Variants in SLC23A2 observed in about 807,000 individuals in gnomAD.
SLC23A2 encodes solute carrier family 23 member 2.
A neutral mutation model predicts 73.3 loss-of-function variants in SLC23A2; 36 were observed. The observed-to-expected ratio is 0.49, with a 90% CI of 0.38 to 0.65. The LOEUF (loss-of-function observed/expected upper bound fraction) is 0.65. SLC23A2 is among the 30% of genes least tolerant of loss of function. The probability of loss-of-function intolerance (pLI) is 0.00; values close to 1 mark genes in which losing one functional copy is unlikely to be tolerated. For synonymous variants in SLC23A2, 343 were observed against 327.3 expected (o/e 1.05, Z -0.52); for missense variants, 507 against 841.6 (o/e 0.60, Z 4.92).
At chr20:4,905,921 G>A (rs1931934069) in intron 4 of SLC23A2, among the ~76,000 whole-genome samples, 1 of 152,190 alleles carries the variant, frequency 6.6e-6, no homozygotes. Context: ...GCCAACCCCC[G>A]CTGTAGCGTT....
In SLC23A2 at chr20:4,856,935, T is replaced by A. The variant is rs1268265029; in HGVS notation, c.*37A>T. 3.1e-6 allele frequency: 4 copies of A among 1,310,968 alleles called. No homozygotes were observed. The highest frequency in any genetic ancestry group is 4.4e-6 in the Non-Finnish European group (4 of 910,618). 81.2% of individuals were successfully genotyped at this position (1,310,968 alleles called of 1,614,324 possible). Reference sequence around the variant, plus strand: ...TACTCAGCAAGGAACTACAGATACATGCCTCACTGCGGCCAGGCCACAGGG... The same window carrying A: ...TACTCAGCAAGGAACTACAGATACAAGCCTCACTGCGGCCAGGCCACAGGG... On this transcript the variant is annotated 3_prime_UTR_variant, in exon 17 of 17. Coordinates refer to ENST00000338244, the MANE Select transcript of SLC23A2 (RefSeq NM_005116.6). The surrounding 1 kb of genome is among the most constrained non-coding windows in gnomAD (Gnocchi z 4.6).
At chr20:4,909,726 T>C (rs1424856528) in intron 4 of SLC23A2, among the ~76,000 whole-genome samples, 1 of 152,088 alleles carries the variant, frequency 6.6e-6, no homozygotes, top group Non-Finnish European at 1.5e-5. Flanking sequence ...GCTAAATTTT[T>C]TTGTATTTTT....
chr20:4,988,959 G>A (rs1314896372), intron 1 of SLC23A2, among the ~76,000 whole-genome samples: 4 of 151,826 alleles, frequency 2.6e-5, no homozygotes, highest in Admixed American at 1.3e-4. Flanking sequence ...TAACTAGGCC[G>A]GGCGCGGTGG....
Position 4,883,871 on chromosome 20 carries a change from G to T in SLC23A2, c.643-48C>A. The T allele has an allele frequency of 7.7e-7, 1 of 1,304,986 alleles. No homozygotes were observed. The highest frequency in any genetic ancestry group is 1.1e-6 in the Non-Finnish European group (1 of 942,602). The allele number at this position is 1,304,986 out of a possible 1,614,324, so 80.8% of individuals were successfully genotyped here. On this transcript the variant is annotated intron_variant, in intron 8 of 16. Coordinates refer to ENST00000338244, the MANE Select transcript of SLC23A2 (RefSeq NM_005116.6). This position sits in a 1 kb window ranked among gnomAD's most constrained non-coding sequence, Gnocchi z 4.5. The stretch of plus-strand genomic sequence containing the variant: ...CATGAGAGTGAGCTGCTTGTACACT[G>T]CACACTCAGAATGTCACCTACAACC...
At chr20:4,896,208 C>T (rs1484497713) in intron 6 of SLC23A2, among the ~76,000 whole-genome samples, 3 of 152,144 alleles carry the variant, frequency 2.0e-5, no homozygotes, top group African/African-American at 7.2e-5. Context: ...TCTCTCGTTG[C>T]CTCAGTGCCC....
At chr20:4,889,955 A>G (rs1464585027) in intron 6 of SLC23A2, among the ~76,000 whole-genome samples, 1 of 152,168 alleles carries the variant, frequency 6.6e-6, no homozygotes, top group Non-Finnish European at 1.5e-5. Context: ...TGAAATGTGC[A>G]TGGGTTTTCA....
chr20:4,972,241 T>C (rs2087572152), intron 1 of SLC23A2, among the ~76,000 whole-genome samples: 2 of 152,134 alleles, frequency 1.3e-5, no homozygotes, highest in East Asian at 3.8e-4. Flanking sequence ...ACTTTTACCA[T>C]TTGTTCTTGG....
rs1005325162 is a variant in SLC23A2, at chr20:4,908,384, T to C, written c.207+4496A>G. 3.9e-5 allele frequency among the ~76,000 whole-genome samples: 6 copies of C among 151,990 alleles called. No homozygotes were observed. In the East Asian group the frequency reaches 7.7e-4, roughly 20 times the overall value. On this transcript the variant is annotated intron_variant, in intron 4 of 16. Transcript: ENST00000338244. ...ACCATGTTACATTAACAACGAAAAA[T>C]TGTTCCAGATTAAAGGAGACTAAAG... is the stretch of plus-strand genomic sequence containing the variant.
rs770903470 is a variant in SLC23A2 at position 4,883,844 on chromosome 20, G to A, written c.643-21C>T. 1 of 1,581,244 alleles carries A rather than the reference G, an allele frequency of 6.3e-7. No individual in the cohort carries two copies. Among genetic ancestry groups the A allele is most frequent in the Non-Finnish European group, 8.6e-7 (1 of 1,158,678 alleles). ...TGGATCTGCAACAAGAGATGGCACA[G>A]ACATGAGAGTGAGCTGCTTGTACAC... On this transcript the variant is annotated intron_variant, in intron 8 of 16. Coordinates refer to ENST00000338244, the MANE Select transcript of SLC23A2 (RefSeq NM_005116.6). This position sits in a 1 kb window ranked among gnomAD's most constrained non-coding sequence, Gnocchi z 4.5.
At chr20:4,890,293 T>C (rs2122844411) in intron 6 of SLC23A2, among the ~76,000 whole-genome samples, 1 of 152,288 alleles carries the variant, frequency 6.6e-6, no homozygotes. Context: ...GTAACAGGTT[T>C]GGCTTTGAGG....
chr20:4,925,572 C>T (rs1181965928), intron 3 of SLC23A2, among the ~76,000 whole-genome samples: 2 of 152,144 alleles, frequency 1.3e-5, no homozygotes, highest in Non-Finnish European at 2.9e-5. Context: ...TGTCGGCTCA[C>T]ACCTGGACTG....
intron 1 of SLC23A2, among the ~76,000 whole-genome samples, chr20:4,995,966 A>G (rs1179380270): frequency 1.3e-5 from 2 of 152,188 alleles, no homozygotes; most frequent in Non-Finnish European, 2.9e-5. Flanking sequence ...AGCTGGGAAT[A>G]GTGTTCTACA....
chr20:4,880,910 C>G (rs1429715168), intron 9 of SLC23A2, among the ~76,000 whole-genome samples: 1 of 152,074 alleles, frequency 6.6e-6, no homozygotes, highest in African/African-American at 2.4e-5. Context: ...AGAGGAGGAC[C>G]CCTGGGAGAC....
At position 4,857,303 on chromosome 20, in the gene SLC23A2, C is replaced by T. The variant is rs957416163; in HGVS notation, c.1721-99G>A. On this transcript the variant is annotated intron_variant, in intron 16 of 16. Transcript: ENST00000338244. The surrounding 1 kb of genome is among the most constrained non-coding windows in gnomAD (Gnocchi z 4.0). ...ACACATACACACACACACACACACA[C>T]ACACACACACACACACACACACACA... 5 of 533,994 alleles carry T rather than the reference C, an allele frequency of 9.4e-6. No homozygotes were observed. Among genetic ancestry groups the T allele is most frequent in the African/African-American group, 2.2e-5 (1 of 46,068 alleles). The allele number at this position is 533,994 out of a possible 1,614,324, so 33.1% of individuals were successfully genotyped here. A position where few individuals can be genotyped will look rare whatever the true frequency, so the allele number is the denominator to read the frequency against.
rs370915757 is a variant in SLC23A2 at position 4,926,882 on chromosome 20, C to A, written c.108+5573G>T. ...CTAAGAGAATCTCTAAAGATAAGATCCTTATCAGCCACACACCCCACCTCC... is the reference window on the plus strand; with the variant it reads ...CTAAGAGAATCTCTAAAGATAAGATACTTATCAGCCACACACCCCACCTCC... On this transcript the variant is annotated intron_variant, in intron 3 of 16. Transcript: ENST00000338244. Among the ~76,000 whole-genome samples, 7 of 151,984 alleles carry A rather than the reference C, an allele frequency of 4.6e-5. No individual in the cohort carries two copies. In the East Asian group the frequency reaches 7.7e-4, roughly 17 times the overall value.
At chr20:5,008,391 A>G (rs1211143902) in intron 1 of SLC23A2, among the ~76,000 whole-genome samples, 1 of 152,146 alleles carries the variant, frequency 6.6e-6, no homozygotes, top group Non-Finnish European at 1.5e-5. Flanking sequence ...CTGACACAAA[A>G]GCACACTGGT....
At chr20:4,860,845 A>G (rs1026493736) in intron 15 of SLC23A2, among the ~76,000 whole-genome samples, 1 of 152,242 alleles carries the variant, frequency 6.6e-6, no homozygotes, top group South Asian at 2.1e-4. Context: ...GTTCAAGACT[A>G]GCCTGGCCAA....
At chr20:4,900,345 G>A (rs1193955454) in intron 5 of SLC23A2, among the ~76,000 whole-genome samples, 1 of 152,120 alleles carries the variant, frequency 6.6e-6, no homozygotes, top group African/African-American at 2.4e-5. Flanking sequence ...TGCTTTTCTG[G>A]CATAAATTGC....
chr20:5,003,740 G>A (rs1244761316), upstream of SLC23A2, among the ~76,000 whole-genome samples: 1 of 151,872 alleles, frequency 6.6e-6, no homozygotes, highest in South Asian at 2.1e-4. Flanking sequence ...AGTCTGCCCA[G>A]CCGTCCTGCC....
Sources: gnomAD v4.1 joint callset for allele counts (sites outside exome capture counted in the v4.1 genomes callset) on GRCh38, gnomAD v4.1.1 for gene constraint, Gnocchi (gnomAD v3.1) non-coding constraint, MANE v1.5 for transcripts, NCBI Gene and HGNC (gene_info 2026-07-23, HGNC 2026-07-21) for gene names.